Variants in KIF20B observed in about 807,000 individuals in gnomAD.
KIF20B encodes the protein kinesin-like protein KIF20B.
KIF20B carries 188 observed loss-of-function variants against 232.5 expected under a neutral mutation model. That is an observed-to-expected ratio of 0.81 (90% CI 0.72 to 0.91). The LOEUF (loss-of-function observed/expected upper bound fraction) is 0.91, where lower values mean the gene tolerates loss of function less well. KIF20B is among the 40% of genes least tolerant of loss of function. The probability of loss-of-function intolerance (pLI) is 0.00; values close to 1 mark genes in which losing one functional copy is unlikely to be tolerated. For missense variants in KIF20B, 2,154 were observed against 2,055.9 expected, an observed-to-expected ratio of 1.05 and a Z score of -0.92; for synonymous variants, 712 against 683.0, an observed-to-expected ratio of 1.04 and a Z score of -0.66.
At chr10:89,746,582 A>G (rs953080955) in intron 23 of KIF20B, among the ~76,000 whole-genome samples, 3 of 152,074 alleles carry the variant, frequency 2.0e-5, no homozygotes, top group Admixed American at 6.5e-5. Context: ...TAGGCACAGG[A>G]TGGGGGCGTG....
At chr10:89,752,783 T>A in intron 25 of KIF20B, 92 bp downstream of exon 25, 1 of 914,142 alleles carries the variant, frequency 1.1e-6, no homozygotes, top group Non-Finnish European at 1.5e-6. Context: ...ATTTAGTAAT[T>A]CACTTAGATA....
chr10:89,739,032 A>G lies in KIF20B; in HGVS notation c.3851A>G (p.Asp1284Gly). 6.2e-7 allele frequency: 1 copy of G among 1,613,558 alleles called. No individual in the cohort carries two copies. Among genetic ancestry groups the G allele is most frequent in the Non-Finnish European group, 8.5e-7 (1 of 1,179,648 alleles). The stretch of plus-strand genomic sequence containing the variant: ...GCAGATCTTCAGAGGAAGGAAGAAG[A>G]TTATGCTGACCTGAAAGAGAAACTG... Reference protein sequence around the residue: ...LKADLQRKEEDYADLKEKLTD... With the variant: ...LKADLQRKEEGYADLKEKLTD... The change falls in exon 21 of 33, where the codon GAT (aspartate) becomes GGT (glycine). Residue 1284 changes from aspartate to glycine, a missense_variant. Transcript: ENST00000371728.
Position 89,737,989 on chromosome 10 carries a change from G to C in KIF20B, c.3148G>C (p.Glu1050Gln). 6.2e-7 allele frequency: 1 copy of C among 1,613,112 alleles called. No homozygotes were observed. Among genetic ancestry groups the C allele is most frequent in the Non-Finnish European group, 8.5e-7 (1 of 1,179,406 alleles). Residue 1050 changes from glutamate to glutamine, a missense_variant, in exon 20 of 33, where the codon GAA (glutamate) becomes CAA (glutamine). By Grantham distance (29) the Glu-to-Gln change is conservative. Transcript: ENST00000371728. ...KEYRIQEPNRENSFHSSIEAI... is the reference protein window; with the variant it reads ...KEYRIQEPNRQNSFHSSIEAI... ...ATATCGAATTCAAGAACCCAATAGG[G>C]AAAATTCTTTCCACTCTAGTATTGA... is the stretch of plus-strand genomic sequence containing the variant.
intron 25 of KIF20B, among the ~76,000 whole-genome samples, chr10:89,752,909 G>GTGATTGGGTCCTTA (rs1318044386): frequency 2.6e-4 from 39 of 152,276 alleles, no homozygotes; most frequent in African/African-American, 9.1e-4. Flanking sequence ...GTGAAATATA[G>GTGATTGGGTCCTTA]TGATTGGGTC....
chr10:89,766,949 C>T (rs184003311), intron 29 of KIF20B, among the ~76,000 whole-genome samples: 4 of 151,218 alleles, frequency 2.6e-5, no homozygotes, highest in Middle Eastern at 3.4e-3. Context: ...AAGGAAACAC[C>T]GAGTGTAGTT....
intron 21 of KIF20B, among the ~76,000 whole-genome samples, chr10:89,740,734 C>T (rs1841779084): frequency 6.6e-6 from 1 of 152,168 alleles, no homozygotes; most frequent in Admixed American, 6.5e-5. Context: ...GATCATAGCT[C>T]ACTGTAACTT....
At chr10:89,712,959 C>G (rs1842863098) in intron 6 of KIF20B, among the ~76,000 whole-genome samples, 5 of 152,104 alleles carry the variant, frequency 3.3e-5, no homozygotes, top group Admixed American at 3.3e-4. Flanking sequence ...AAAGTTGAGT[C>G]TGTGACTATG....
intron 17 of KIF20B, among the ~76,000 whole-genome samples, chr10:89,728,546 C>G (rs769336073): frequency 1.3e-5 from 2 of 151,504 alleles, no homozygotes; most frequent in Admixed American, 6.6e-5. Flanking sequence ...GAGTCTCACT[C>G]TGTTGCCCAG....
At chr10:89,773,139 G>A (rs73386467) in intron 32 of KIF20B, among the ~76,000 whole-genome samples, 2,155 of 151,486 alleles carry the variant, frequency 0.014, 48 homozygotes, top group African/African-American at 0.049. Flanking sequence ...TTTAAATCAC[G>A]GGAGTTGTAC....
At chr10:89,707,441 G>C (rs1405880589) in intron 2 of KIF20B, among the ~76,000 whole-genome samples, 1 of 151,872 alleles carries the variant, frequency 6.6e-6, no homozygotes, top group African/African-American at 2.4e-5. Context: ...TCTAAATAAA[G>C]AAAATTTTAT....
intron 31 of KIF20B, among the ~76,000 whole-genome samples, chr10:89,771,348 A>G (rs1842456503): frequency 6.6e-6 from 1 of 152,146 alleles, no homozygotes; most frequent in African/African-American, 2.4e-5. Context: ...AGCTCTTAGT[A>G]TAGTGGCTAG....
At chr10:89,703,222 C>A (rs75648291) in intron 1 of KIF20B, among the ~76,000 whole-genome samples, 16 of 152,220 alleles carry the variant, frequency 1.1e-4, no homozygotes, top group Non-Finnish European at 2.1e-4. Flanking sequence ...GATGCTCCCC[C>A]CTCTGCACCC....
chr10:89,714,600 G>T, intron 7 of KIF20B, among the ~76,000 whole-genome samples: 1 of 151,958 alleles, frequency 6.6e-6, no homozygotes, highest in Non-Finnish European at 1.5e-5. Flanking sequence ...ATATTTATAT[G>T]AAATGTCAGT....
chr10:89,708,099 A>G (rs747294833), intron 2 of KIF20B, among the ~76,000 whole-genome samples: 18 of 152,018 alleles, frequency 1.2e-4, no homozygotes, highest in Non-Finnish European at 2.1e-4. Context: ...TTTGTTTTCT[A>G]ATTTTTTCCT....
At chr10:89,715,959 C>T (rs1211092664) in intron 8 of KIF20B, among the ~76,000 whole-genome samples, 1 of 151,200 alleles carries the variant, frequency 6.6e-6, no homozygotes, top group South Asian at 2.1e-4. Flanking sequence ...CCTTTGCACT[C>T]CAGGCTGGGC....
At chr10:89,740,497 C>G (rs1841774579) in intron 21 of KIF20B, among the ~76,000 whole-genome samples, 1 of 152,160 alleles carries the variant, frequency 6.6e-6, no homozygotes, top group South Asian at 2.1e-4. Context: ...CAACCCTCCT[C>G]TCTTCCACAG....
chr10:89,767,685 A>G (rs890517845), intron 29 of KIF20B, among the ~76,000 whole-genome samples: 4 of 152,174 alleles, frequency 2.6e-5, no homozygotes, highest in Non-Finnish European at 4.4e-5. Flanking sequence ...GTAAGATGCC[A>G]TACCCATGTT....
Position 89,737,454 on chromosome 10 carries a change from T to G in KIF20B, c.2613T>G (p.Ile871Met). The G allele has an allele frequency of 6.2e-7, 1 of 1,608,624 alleles. No individual in the cohort carries two copies. The highest frequency in any genetic ancestry group is 8.5e-7 in the Non-Finnish European group (1 of 1,178,480). ...AAAGTGAAGAAGTGCGACCGAACAT[T>G]GCAGAAATTGAAGACATCAGAGTTT... ...QKKSEEVRPNIAEIEDIRVLQ... is the reference protein window; with the variant it reads ...QKKSEEVRPNMAEIEDIRVLQ... The change falls in exon 20 of 33, where the codon ATT becomes ATG. Residue 871 changes from isoleucine to methionine, a missense_variant. By Grantham distance (10) the Ile-to-Met change is conservative (BLOSUM62 1). Transcript: ENST00000371728.
chr10:89,744,004 GTTT>G (rs1841860418), intron 22 of KIF20B, 77 bp downstream of exon 22: 1 of 1,229,736 alleles, frequency 8.1e-7, no homozygotes, highest in Middle Eastern at 2.1e-4. Context: ...GTACAAATTT[GTTT>G]TTAATAACAT....
Sources: allele counts gnomAD v4.1 joint callset (sites outside exome capture counted in the v4.1 genomes callset), GRCh38; gene constraint gnomAD v4.1.1; transcripts MANE v1.5; gene names NCBI Gene and HGNC (gene_info 2026-07-23, HGNC 2026-07-21).